Variants in LRRFIP2 observed in about 807,000 individuals in gnomAD.
The protein encoded by LRRFIP2 is leucine-rich repeat flightless-interacting protein 2.
LRRFIP2 carries 109 observed loss-of-function variants against 125.9 expected under a neutral mutation model. The observed-to-expected ratio is 0.87, with a 90% CI of 0.74 to 1.01. The LOEUF is 1.01. Among genes scored for constraint, LRRFIP2 ranks in the 50% least tolerant of loss-of-function variants. The probability of loss-of-function intolerance (pLI) is 0.00; values close to 1 mark genes in which losing one functional copy is unlikely to be tolerated. For missense variants in LRRFIP2, 850 were observed against 862.3 expected, an observed-to-expected ratio of 0.99 and a Z score of 0.18; for synonymous variants, 291 against 293.1, an observed-to-expected ratio of 0.99 and a Z score of 0.07.
At position 37,148,903 on chromosome 3, in the gene LRRFIP2, A is replaced by C. The variant is rs1428422446; in HGVS notation, c.81T>G (p.Ile27Met). 2 of 1,613,950 alleles carry C rather than the reference A, an allele frequency of 1.2e-6. No individual in the cohort carries two copies. The highest frequency in any genetic ancestry group is 3.3e-5 in the Admixed American group (2 of 59,998). Residue 27 changes from isoleucine (I) to methionine (M), a missense_variant, in exon 2 of 28, where the codon ATT becomes ATG. Physicochemically the swap from Ile to Met is conservative, Grantham distance 10. Coordinates refer to ENST00000336686, the MANE Select transcript of LRRFIP2 (RefSeq NM_006309.4). ...FSAEDEALSNIAREAEARLAA... is the reference protein window; with the variant it reads ...FSAEDEALSNMAREAEARLAA... ...GATTTACCAAACATACCTCTCTGGC[A>C]ATGTTACTCAAAGCTTCATCTTCTG...
intron 1 of LRRFIP2, among the ~76,000 whole-genome samples, chr3:37,157,019 C>T (rs1185646362): frequency 6.6e-6 from 1 of 151,976 alleles, no homozygotes; most frequent in Admixed American, 6.6e-5. Context: ...ATCCCAGCTA[C>T]TTGGGAGGCT....
chr3:37,059,099 A>G (rs2087762107), intron 24 of LRRFIP2, among the ~76,000 whole-genome samples, 189 bp from the exon 25 acceptor site: 1 of 152,218 alleles, frequency 6.6e-6, no homozygotes, highest in African/African-American at 2.4e-5. Flanking sequence ...CTACGAACAA[A>G]CATCGAAAAG....
At chr3:37,146,925 G>A (rs2095869188) in intron 2 of LRRFIP2, among the ~76,000 whole-genome samples, 1 of 152,000 alleles carries the variant, frequency 6.6e-6, no homozygotes. Flanking sequence ...AGAGTGAACA[G>A]ACAAGCTACA....
chr3:37,096,035 T>C (rs191261498), intron 16 of LRRFIP2, among the ~76,000 whole-genome samples: 1 of 152,212 alleles, frequency 6.6e-6, no homozygotes, highest in Non-Finnish European at 1.5e-5. Flanking sequence ...ACCTGCTTTT[T>C]ACTTTTTAAA....
intron 22 of LRRFIP2, 36 bp from the exon 23 acceptor site, chr3:37,065,978 C>T (rs932828410): frequency 1.2e-6 from 2 of 1,613,672 alleles, no homozygotes; most frequent in Non-Finnish European, 1.7e-6. Flanking sequence ...ACAAAAGGCC[C>T]GTATGGAAGC....
chr3:37,102,993 G>A lies in LRRFIP2; in HGVS notation c.804C>T (p.Phe268=). 1 of 1,563,768 alleles carries A rather than the reference G, an allele frequency of 6.4e-7. No homozygotes were observed. Residue 268 remains phenylalanine, a synonymous_variant, in exon 15 of 28, where the codon TTC becomes TTT. Coordinates refer to ENST00000336686, the MANE Select transcript of LRRFIP2 (RefSeq NM_006309.4). ...CACTTCCCCTACGATTGGAGCGACT[G>A]AAATAATCAGCGGCAGATACCTTTC... is the stretch of plus-strand genomic sequence containing the variant. ...RESVVSAADY[F]SRSNRRGSVV...
Position 37,148,890 on chromosome 3 carries a change from A to T in LRRFIP2, c.90+4T>A. On this transcript the variant is annotated splice_donor_region_variant and intron_variant, in intron 2 of 27. Coordinates refer to ENST00000336686, the MANE Select transcript of LRRFIP2 (RefSeq NM_006309.4). ...AGTGTTGAGAGGGGATTTACCAAAC[A>T]TACCTCTCTGGCAATGTTACTCAAA... 6.2e-7 allele frequency: 1 copy of T among 1,614,034 alleles called. No individual in the cohort carries two copies. The highest frequency in any genetic ancestry group is 8.5e-7 in the Non-Finnish European group (1 of 1,179,942).
intron 21 of LRRFIP2, among the ~76,000 whole-genome samples, chr3:37,068,919 C>A (rs1263437979): frequency 6.6e-6 from 1 of 152,126 alleles, no homozygotes; most frequent in Non-Finnish European, 1.5e-5. Flanking sequence ...GAGCTAGAGG[C>A]AAGACCACTA....
intron 18 of LRRFIP2, among the ~76,000 whole-genome samples, 187 bp downstream of exon 18, chr3:37,091,280 C>T (rs1185800340): frequency 2.6e-5 from 4 of 151,752 alleles, no homozygotes; most frequent in Non-Finnish European, 5.9e-5. Flanking sequence ...AAAAACTGTA[C>T]TACACATTTA....
intron 21 of LRRFIP2, among the ~76,000 whole-genome samples, chr3:37,071,493 A>C (rs2091177732): frequency 9.7e-6 from 1 of 103,330 alleles, no homozygotes; most frequent in African/African-American, 3.4e-5. Context: ...GATTCCAGGC[A>C]TGAGCCTACA....
chr3:37,155,577 T>C (rs180815057), intron 1 of LRRFIP2, among the ~76,000 whole-genome samples: 205 of 152,362 alleles, frequency 1.3e-3, no homozygotes, highest in African/African-American at 4.5e-3. Context: ...AGCCTTACAA[T>C]GGTTATGCTA....
intron 21 of LRRFIP2, among the ~76,000 whole-genome samples, chr3:37,069,812 G>C (rs1302020405): frequency 6.6e-6 from 1 of 152,150 alleles, no homozygotes; most frequent in Non-Finnish European, 1.5e-5. Context: ...AGTGAAAAGG[G>C]ATAATTCCAA....
At position 37,110,889 on chromosome 3, in the gene LRRFIP2, C is replaced by T. The variant is rs1034570717; in HGVS notation, c.513+102G>A. On this transcript the variant is annotated intron_variant, in intron 9 of 27. Transcript: ENST00000336686. ...TTACCAAAAACTAGTATATACGTAG[C>T]CATTTACAGATTAGTTACAGCTAGT... 492 of 966,322 alleles carry T rather than the reference C, an allele frequency of 5.1e-4. 7 individuals are homozygous for T. The highest frequency in any genetic ancestry group is 9.8e-5 in the Non-Finnish European group (61 of 625,406). 59.9% of individuals were successfully genotyped at this position (966,322 alleles called of 1,614,324 possible). A position where few individuals can be genotyped will look rare whatever the true frequency, so the allele number is the denominator to read the frequency against.
In LRRFIP2 at chr3:37,152,710, T is replaced by A. The variant is rs563889720; in HGVS notation, c.-55-3672A>T. On this transcript the variant is annotated intron_variant, in intron 1 of 27. Coordinates refer to ENST00000336686, the MANE Select transcript of LRRFIP2 (RefSeq NM_006309.4). Reference sequence around the variant, plus strand: ...CGCCCGCCTCAGCCTTCCAAAGTGCTAGGATTACAGGCATGAGCCACATGA... The same window carrying A: ...CGCCCGCCTCAGCCTTCCAAAGTGCAAGGATTACAGGCATGAGCCACATGA... Among the ~76,000 whole-genome samples, 18 of 152,306 alleles carry A rather than the reference T, an allele frequency of 1.2e-4. No homozygotes were observed. In the East Asian group the frequency reaches 3.3e-3, roughly 28 times the overall value.
intron 17 of LRRFIP2, among the ~76,000 whole-genome samples, chr3:37,092,407 TGAC>T (rs2093494903): frequency 6.6e-6 from 1 of 152,236 alleles, no homozygotes; most frequent in Non-Finnish European, 1.5e-5. Flanking sequence ...CCAGTAGGTT[TGAC>T]TGTCTTTTAC....
In LRRFIP2 at chr3:37,115,041, A is replaced by T; in HGVS notation, c.372+13T>A. The T allele has an allele frequency of 6.3e-7, 1 of 1,591,658 alleles. No individual in the cohort carries two copies. Reference sequence around the variant, plus strand: ...AAAATTCCACATATAACACAAAGTCATGTGCTACATACTAATGATGAAAGT... The same window carrying T: ...AAAATTCCACATATAACACAAAGTCTTGTGCTACATACTAATGATGAAAGT... On this transcript the variant is annotated intron_variant, in intron 7 of 27. Transcript: ENST00000336686.
intron 9 of LRRFIP2, 78 bp downstream of exon 9, chr3:37,110,913 G>T: frequency 7.4e-7 from 1 of 1,357,444 alleles, no homozygotes; most frequent in Non-Finnish European, 1.0e-6. Flanking sequence ...GTTACAGCTA[G>T]TCAAAATGCA....
chr3:37,133,237 A>C (rs182961290), intron 2 of LRRFIP2, among the ~76,000 whole-genome samples: 15 of 152,308 alleles, frequency 9.8e-5, no homozygotes, highest in African/African-American at 3.6e-4. Context: ...AAAACAAACA[A>C]ACAAAACAAA....
At chr3:37,148,835 C>T (rs1021823937) in intron 2 of LRRFIP2, 59 bp downstream of exon 2, 10 of 1,590,068 alleles carry the variant, frequency 6.3e-6, no homozygotes, top group African/African-American at 1.3e-5. Context: ...TCTGTCAAAT[C>T]GGCATTTTTA....
Sources: allele counts gnomAD v4.1 joint callset (sites outside exome capture counted in the v4.1 genomes callset), GRCh38; gene constraint gnomAD v4.1.1; transcripts MANE v1.5; gene names NCBI Gene and HGNC (gene_info 2026-07-23, HGNC 2026-07-21).